Variants in FAM78B observed in about 807,000 individuals in gnomAD.
The protein encoded by FAM78B is protein FAM78B.
In FAM78B, 10 loss-of-function variants were observed where a neutral mutation model predicts 20.0. That is an observed-to-expected ratio of 0.50 (90% CI 0.31 to 0.85). The LOEUF is 0.85. FAM78B is among the 40% of genes least tolerant of loss of function. The pLI, the probability that FAM78B is intolerant of heterozygous loss-of-function variation, is 0.05. For missense variants in FAM78B, 283 were observed against 345.0 expected, an observed-to-expected ratio of 0.82 and a Z score of 1.42; for synonymous variants, 135 against 132.8, an observed-to-expected ratio of 1.02 and a Z score of -0.12.
downstream of FAM78B, among the ~76,000 whole-genome samples, chr1:166,056,069 T>G (rs1241796105): frequency 6.6e-6 from 1 of 152,206 alleles, no homozygotes; most frequent in Non-Finnish European, 1.5e-5. Context: ...GCTCCAGAGT[T>G]GAGCATGTGC....
chr1:166,070,289 C>A lies in FAM78B; in HGVS notation c.738G>T (p.Met246Ile). The A allele has an allele frequency of 6.4e-7, 1 of 1,570,644 alleles. No homozygotes were observed. Among genetic ancestry groups the A allele is most frequent in the East Asian group, 2.2e-5 (1 of 44,458 alleles). The change falls in exon 2 of 2, where the codon ATG (methionine) becomes ATT (isoleucine). Residue 246 changes from methionine to isoleucine, a missense_variant. By Grantham distance (10) the Met-to-Ile change is conservative. Transcript: ENST00000354422. ...GAGGTGGCCCCCGCTTGGGCCTCCACATGAGGACCTGGGCATCATTGGCAT... is the reference window on the plus strand; with the variant it reads ...GAGGTGGCCCCCGCTTGGGCCTCCAAATGAGGACCTGGGCATCATTGGCAT... ...KPNANDAQVLMWRPKRGPPLV... is the reference protein window; with the variant it reads ...KPNANDAQVLIWRPKRGPPLV...
chr1:166,139,836 A>AT (rs1281292084), intron 1 of FAM78B, among the ~76,000 whole-genome samples: 3 of 152,208 alleles, frequency 2.0e-5, no homozygotes, highest in Non-Finnish European at 2.9e-5. Flanking sequence ...CAGAGAGCTC[A>AT]TAAGAGTTGC....
chr1:166,120,579 G>A (rs548046648), intron 1 of FAM78B, among the ~76,000 whole-genome samples: 1 of 152,326 alleles, frequency 6.6e-6, no homozygotes, highest in African/African-American at 2.4e-5. Flanking sequence ...CAATTTGTGT[G>A]GAAATAGAAG....
intron 1 of FAM78B, among the ~76,000 whole-genome samples, chr1:166,082,896 T>C (rs1231813900): frequency 6.6e-6 from 1 of 152,166 alleles, no homozygotes; most frequent in Non-Finnish European, 1.5e-5. Flanking sequence ...GGCAAGGTAC[T>C]AAGTGCCTTT....
chr1:166,057,305 G>C (rs1651388270), downstream of FAM78B: 1 of 146,770 alleles, frequency 6.8e-6, no homozygotes, highest in East Asian at 1.9e-4. Context: ...TTCCTAGCTG[G>C]GCAGGATTCC....
At chr1:166,065,141 T>C (rs200131329), downstream of FAM78B, among the ~76,000 whole-genome samples, 3 of 152,260 alleles carry the variant, frequency 2.0e-5, no homozygotes, top group East Asian at 1.9e-4. Flanking sequence ...CAGCCCTGCC[T>C]GATAAACAGT....
At chr1:166,080,080 C>T (rs914297441) in intron 1 of FAM78B, among the ~76,000 whole-genome samples, 6 of 152,098 alleles carry the variant, frequency 3.9e-5, no homozygotes, top group Non-Finnish European at 5.9e-5. Flanking sequence ...AAGATCTTTC[C>T]GCTAGTGAGG....
At chr1:166,063,245 ACACT>A (rs1425283395) in intron 2 of FAM78B, among the ~76,000 whole-genome samples, 3 of 152,206 alleles carry the variant, frequency 2.0e-5, no homozygotes, top group African/African-American at 7.2e-5. Context: ...CACATAGAAG[ACACT>A]CACTACAGAC....
chr1:166,073,506 A>C (rs151233332), intron 1 of FAM78B, among the ~76,000 whole-genome samples: 2 of 147,672 alleles, frequency 1.4e-5, no homozygotes, highest in East Asian at 2.0e-4. Context: ...CCCTCTCTCT[A>C]TCTCTCGCTC....
intron 1 of FAM78B, among the ~76,000 whole-genome samples, chr1:166,112,500 T>C (rs574654774): frequency 2.6e-5 from 4 of 152,126 alleles, no homozygotes; most frequent in Non-Finnish European, 4.4e-5. Context: ...AGTGCTCTCA[T>C]GGGTCGGCCT....
chr1:166,075,180 T>G (rs1188037695), intron 1 of FAM78B, among the ~76,000 whole-genome samples: 1 of 151,952 alleles, frequency 6.6e-6, no homozygotes, highest in East Asian at 1.9e-4. Context: ...AGAAGAGTAA[T>G]GAAAAAAGTA....
At chr1:166,115,603 CAT>C (rs1336228357) in intron 1 of FAM78B, among the ~76,000 whole-genome samples, 1 of 152,192 alleles carries the variant, frequency 6.6e-6, no homozygotes, top group Non-Finnish European at 1.5e-5. Context: ...CAGAGAAAAA[CAT>C]GTCATGATCC....
In FAM78B at chr1:166,166,340, C is replaced by T; in HGVS notation, c.-92G>A. 9.8e-7 allele frequency: 1 copy of T among 1,025,402 alleles called. No individual in the cohort carries two copies. Among genetic ancestry groups the T allele is most frequent in the Non-Finnish European group, 1.2e-6 (1 of 850,100 alleles). 63.5% of individuals were successfully genotyped at this position (1,025,402 alleles called of 1,614,324 possible). A position where few individuals can be genotyped will look rare whatever the true frequency, so the allele number is the denominator to read the frequency against. On this transcript the variant is annotated 5_prime_UTR_variant, in exon 1 of 2. Coordinates refer to ENST00000354422, the MANE Select transcript of FAM78B (RefSeq NM_001017961.5). ...CGCCCGTCACGCCGGCATGGCGACG[C>T]GCCGCTCGCTCCCGGTCAGACTCAG...
chr1:166,139,288 C>A (rs4657523), intron 1 of FAM78B, among the ~76,000 whole-genome samples: 143,145 of 152,214 alleles, frequency 0.94, 67,990 homozygotes, highest in East Asian at 1. Context: ...GATGCTGTCC[C>A]TATCAGTAGA....
At chr1:166,068,993 G>T (rs1427598194), downstream of FAM78B, among the ~76,000 whole-genome samples, 1 of 152,168 alleles carries the variant, frequency 6.6e-6, no homozygotes, top group East Asian at 1.9e-4. Context: ...TAGCAATACA[G>T]GCTTGCTTAA....
chr1:166,077,844 TA>T (rs1159474105), intron 1 of FAM78B, among the ~76,000 whole-genome samples: 20 of 120,466 alleles, frequency 1.7e-4, no homozygotes, highest in African/African-American at 6.6e-4. Context: ...AATTTATATA[TA>T]TAATAATATA....
chr1:166,071,520 C>CAGG (rs370094739), intron 1 of FAM78B, among the ~76,000 whole-genome samples: 8 of 152,014 alleles, frequency 5.3e-5, no homozygotes, highest in African/African-American at 1.4e-4. Context: ...TGACCTTGTA[C>CAGG]AGGAGGAGGA....
At chr1:166,103,555 T>C (rs1348015410) in intron 1 of FAM78B, among the ~76,000 whole-genome samples, 1 of 152,114 alleles carries the variant, frequency 6.6e-6, no homozygotes, top group Non-Finnish European at 1.5e-5. Context: ...CAAACTACTG[T>C]CAGAGAATAC....
intron 1 of FAM78B, among the ~76,000 whole-genome samples, chr1:166,094,039 G>C (rs1473107985): frequency 1.3e-5 from 2 of 150,182 alleles, no homozygotes; most frequent in Non-Finnish European, 1.5e-5. Context: ...GTGTGTGTGT[G>C]TGTGTGTGGT....
Sources: allele counts gnomAD v4.1 joint callset (sites outside exome capture counted in the v4.1 genomes callset), GRCh38; gene constraint gnomAD v4.1.1; transcripts MANE v1.5; gene names NCBI Gene and HGNC (gene_info 2026-07-23, HGNC 2026-07-21).